XPO4: variants seen among roughly 807,000 people sequenced by gnomAD.
The protein encoded by XPO4 is exportin-4.
Under a neutral mutation model 143.0 loss-of-function variants are expected in XPO4, and 39 were observed. The observed-to-expected ratio is 0.27, with a 90% CI of 0.21 to 0.36. The LOEUF is 0.36. XPO4 is among the 10% of genes least tolerant of loss of function. XPO4 has a pLI of 1.00. For synonymous variants in XPO4, 439 were observed against 474.0 expected, an observed-to-expected ratio of 0.93 and a Z score of 0.96; for missense variants, 907 against 1,348.0, an observed-to-expected ratio of 0.67 and a Z score of 5.12.
At chr13:20,857,063 A>C (rs1280809250) in intron 3 of XPO4, 3 of 208,048 alleles carry the variant, frequency 1.4e-5, no homozygotes, top group African/African-American at 2.4e-5. Flanking sequence ...GAAGTGAAAA[A>C]ACATTCCTTC....
chr13:20,830,544 A>T (rs906527525), intron 6 of XPO4, among the ~76,000 whole-genome samples: 1 of 152,214 alleles, frequency 6.6e-6, no homozygotes, highest in Non-Finnish European at 1.5e-5. Flanking sequence ...GTACTATATT[A>T]TACTTTTCAT....
chr13:20,827,231 A>G (rs777317232), intron 6 of XPO4, 52 bp from the exon 7 acceptor site: 27 of 1,316,374 alleles, frequency 2.1e-5, no homozygotes, highest in African/African-American at 7.2e-5. Flanking sequence ...TGTCTAAAGT[A>G]TAAGTATATC....
chr13:20,830,055 G>A (rs748969181), intron 6 of XPO4, among the ~76,000 whole-genome samples: 1 of 152,142 alleles, frequency 6.6e-6, no homozygotes. Flanking sequence ...AATGGCTCAT[G>A]TAACATCAGA....
chr13:20,798,840 C>A (rs2059392710), intron 16 of XPO4, among the ~76,000 whole-genome samples: 1 of 151,658 alleles, frequency 6.6e-6, no homozygotes, highest in Non-Finnish European at 1.5e-5. Flanking sequence ...GCCAACATGG[C>A]AAAAGCCCGT....
chr13:20,812,754 G>A (rs2059598395), intron 9 of XPO4, among the ~76,000 whole-genome samples: 1 of 152,160 alleles, frequency 6.6e-6, no homozygotes, highest in Non-Finnish European at 1.5e-5. Context: ...GGCTACAAAA[G>A]ATGATACTAT....
intron 3 of XPO4, among the ~76,000 whole-genome samples, chr13:20,862,270 C>A (rs996584123): frequency 2.0e-5 from 3 of 152,104 alleles, no homozygotes; most frequent in African/African-American, 7.2e-5. Context: ...CTAAGGTCAA[C>A]TTTTATTTAT....
intron 9 of XPO4, among the ~76,000 whole-genome samples, chr13:20,819,558 G>A (rs1011938540): frequency 6.6e-5 from 10 of 152,038 alleles, no homozygotes; most frequent in Non-Finnish European, 1.3e-4. Context: ...TACTCGGGAG[G>A]CTGATGCAGA....
intron 2 of XPO4, chr13:20,865,535 C>T: frequency 2.0e-6 from 2 of 979,194 alleles, no homozygotes; most frequent in South Asian, 9.5e-5. Flanking sequence ...AAAATGCTTT[C>T]ATCTGCTACC....
At chr13:20,837,534 T>C (rs777346858) in intron 6 of XPO4, among the ~76,000 whole-genome samples, 41 of 152,068 alleles carry the variant, frequency 2.7e-4, no homozygotes, top group Non-Finnish European at 5.6e-4. Flanking sequence ...GCCTCCCAAA[T>C]AATTGGGTCT....
chr13:20,839,281 A>G (rs1289677193), intron 6 of XPO4, among the ~76,000 whole-genome samples: 1 of 152,200 alleles, frequency 6.6e-6, no homozygotes, highest in Admixed American at 6.5e-5. Context: ...AGCCAGTCAC[A>G]AAGGACCACA....
chr13:20,801,517 T>A (rs1466659925), intron 13 of XPO4, among the ~76,000 whole-genome samples: 1 of 152,264 alleles, frequency 6.6e-6, no homozygotes, highest in African/African-American at 2.4e-5. Context: ...TTCTTCATGG[T>A]ATTTTTAAAT....
chr13:20,870,399 A>T (rs11147883), intron 1 of XPO4, among the ~76,000 whole-genome samples: 109,376 of 151,478 alleles, frequency 0.72, 39,849 homozygotes, highest in East Asian at 1. Context: ...GCTGCTGCAC[A>T]CCAGCCTGGA....
At chr13:20,902,622 G>T (rs910214297) in intron 1 of XPO4, 48 bp downstream of exon 1, 7 of 1,506,286 alleles carry the variant, frequency 4.6e-6, no homozygotes, top group Non-Finnish European at 6.2e-6. Context: ...TGGCAGGGCC[G>T]ACCGGGGGCC....
chr13:20,876,368 A>G (rs1210632965), intron 1 of XPO4, among the ~76,000 whole-genome samples: 2 of 152,144 alleles, frequency 1.3e-5, no homozygotes, highest in Admixed American at 1.3e-4. Context: ...TTAGAGCAGA[A>G]AAAACAATGG....
intron 6 of XPO4, among the ~76,000 whole-genome samples, chr13:20,829,620 T>C (rs1040738281): frequency 3.9e-5 from 6 of 152,124 alleles, no homozygotes; most frequent in Non-Finnish European, 7.4e-5. Flanking sequence ...ACAGTTCAAG[T>C]ACAGAGGAAG....
At chr13:20,824,900 A>G (rs1459251635) in intron 7 of XPO4, among the ~76,000 whole-genome samples, 10 of 152,230 alleles carry the variant, frequency 6.6e-5, no homozygotes. Flanking sequence ...TAAAACATCC[A>G]GTAAGCACTG....
chr13:20,864,747 G>A (rs1717100015), intron 2 of XPO4, among the ~76,000 whole-genome samples: 1 of 151,974 alleles, frequency 6.6e-6, no homozygotes, highest in South Asian at 2.1e-4. Context: ...AGTTATAGAA[G>A]ATGAATATTC....
chr13:20,862,382 AT>A (rs2060209898), intron 3 of XPO4, among the ~76,000 whole-genome samples: 1 of 152,244 alleles, frequency 6.6e-6, no homozygotes, highest in South Asian at 2.1e-4. Context: ...AATAAAAGGT[AT>A]TATTTCATTA....
At chr13:20,902,762 T>C (rs370811001), upstream of XPO4, 54 of 1,434,140 alleles carry the variant, frequency 3.8e-5, no homozygotes, top group Non-Finnish European at 4.9e-5. Flanking sequence ...TGACGCGCCA[T>C]GCGCTGCATT....
Sources: allele counts gnomAD v4.1 joint callset (sites outside exome capture counted in the v4.1 genomes callset), GRCh38; gene constraint gnomAD v4.1.1; transcripts MANE v1.5; gene names NCBI Gene and HGNC (gene_info 2026-07-23, HGNC 2026-07-21).